The following NF1 variants were observed in gnomAD, a reference collection of about 807,000 sequenced individuals.
NF1 encodes the protein neurofibromin.
In NF1, 122 loss-of-function variants were observed where a neutral mutation model predicts 325.7. That is an observed-to-expected ratio of 0.37 (90% CI 0.32 to 0.44). NF1 has a LOEUF of 0.44. Among genes scored for constraint, NF1 ranks in the 20% least tolerant of loss-of-function variants. The pLI is 1.00. For missense variants in NF1, 2,140 were observed against 3,415.4 expected (o/e 0.63, Z 9.31); for synonymous variants, 1,091 against 1,186.0 (o/e 0.92, Z 1.65).
intron 36 of NF1, chr17:31,296,043 A>G (rs913504431): frequency 1.9e-6 from 3 of 1,613,980 alleles, no homozygotes; most frequent in African/African-American, 2.7e-5. Context: ...GACCGAGGTA[A>G]GTGAGCAGGC....
At chr17:31,268,337 G>T (rs371011098) in intron 36 of NF1, among the ~76,000 whole-genome samples, 1 of 152,156 alleles carries the variant, frequency 6.6e-6, no homozygotes, top group East Asian at 1.9e-4. Flanking sequence ...GATTCAAAAT[G>T]TGACCACTTG....
intron 57 of NF1, among the ~76,000 whole-genome samples, chr17:31,364,374 TA>T (rs1416556905): frequency 3.3e-5 from 5 of 152,372 alleles, no homozygotes; most frequent in South Asian, 4.1e-4. Flanking sequence ...TCCTTTGCTA[TA>T]AATGTTTCAT....
In NF1 at chr17:31,325,904, A is replaced by C. The variant is rs1443684477; in HGVS notation, c.4920A>C (p.Glu1640Asp). Residue 1640 changes from glutamate (E) to aspartate (D), a missense_variant, in exon 37 of 58, where the codon GAA becomes GAC. Around this residue, in one of 10 missense-constraint regions of NF1, gnomAD observed 103 missense variants for 214.6 expected, o/e 0.48. Coordinates refer to ENST00000358273, the MANE Select transcript of NF1 (RefSeq NM_001042492.3). ...AGCCATATTATGCAAAGCCATATGAAATTGTAGTGGACCTTACCCATACCG... is the reference window on the plus strand; with the variant it reads ...AGCCATATTATGCAAAGCCATATGACATTGTAGTGGACCTTACCCATACCG... The part of the protein sequence containing the change: ...TLKPYYAKPY[E>D]IVVDLTHTGP... 6.2e-7 allele frequency: 1 copy of C among 1,614,030 alleles called. No individual in the cohort carries two copies. Among genetic ancestry groups the C allele is most frequent in the Non-Finnish European group, 8.5e-7 (1 of 1,180,010 alleles).
At chr17:31,121,771 A>G (rs775117281) in intron 1 of NF1, among the ~76,000 whole-genome samples, 8 of 152,224 alleles carry the variant, frequency 5.3e-5, no homozygotes, top group Non-Finnish European at 1.0e-4. Flanking sequence ...CCAGTGATGA[A>G]GCTGACTTGA....
At chr17:31,231,067 T>C in intron 24 of NF1, 142 bp downstream of exon 24, 1 of 667,512 alleles carries the variant, frequency 1.5e-6, no homozygotes, top group Non-Finnish European at 2.7e-6. Flanking sequence ...GTAAAGATGC[T>C]AATCTTTATT....
At chr17:31,182,726 G>A (rs2143788038) in intron 8 of NF1, 61 bp downstream of exon 8, 2 of 1,473,152 alleles carry the variant, frequency 1.4e-6, no homozygotes, top group Non-Finnish European at 1.9e-6. Context: ...TTTACTCAAG[G>A]TGTGTATTAC....
chr17:31,274,647 C>T (rs2067967720), intron 36 of NF1, among the ~76,000 whole-genome samples: 1 of 152,092 alleles, frequency 6.6e-6, no homozygotes, highest in South Asian at 2.1e-4. Flanking sequence ...AATCGGAGTA[C>T]TGCAGTAATT....
chr17:31,249,129 CAG>C lies in NF1; in HGVS notation c.4110+11_4110+12del. On this transcript the variant is annotated intron_variant, in intron 30 of 57. Transcript: ENST00000358273. ...CCACTGTTTATACCAGGTATGCTTACAGTTAGAGATTACCATTATTAATCTAA... is the reference window on the plus strand; with the variant it reads ...CCACTGTTTATACCAGGTATGCTTACTTAGAGATTACCATTATTAATCTAA... 6.2e-7 allele frequency: 1 copy of C among 1,613,386 alleles called. No homozygotes were observed. Among genetic ancestry groups the C allele is most frequent in the South Asian group, 1.1e-5 (1 of 91,056 alleles).
intron 49 of NF1, among the ~76,000 whole-genome samples, chr17:31,349,562 C>G (rs2070088845): frequency 6.6e-6 from 1 of 152,134 alleles, no homozygotes. Context: ...TTAAATAGCC[C>G]TCTCAGTTCT....
At chr17:31,170,765 C>T (rs1200201675) in intron 5 of NF1, among the ~76,000 whole-genome samples, 1 of 152,054 alleles carries the variant, frequency 6.6e-6, no homozygotes, top group Non-Finnish European at 1.5e-5. Context: ...CTGTGGTAAG[C>T]AGTGATGTAT....
chr17:31,197,967 A>C (rs184344830), intron 8 of NF1, among the ~76,000 whole-genome samples: 336 of 152,290 alleles, frequency 2.2e-3, no homozygotes, highest in Non-Finnish European at 4.0e-3. Flanking sequence ...GATGTTGAGG[A>C]AATTTCCTTC....
At chr17:31,180,547 C>A (rs77130846) in intron 5 of NF1, among the ~76,000 whole-genome samples, 2 of 152,126 alleles carry the variant, frequency 1.3e-5, no homozygotes, top group East Asian at 3.9e-4. Context: ...ATTCAACAGC[C>A]CTTCATGCCA....
chr17:31,356,544 C>A lies in NF1; in HGVS notation c.7700C>A (p.Pro2567His), dbSNP rs754511534. Residue 2567 changes from proline (P) to histidine (H), a missense_variant, in exon 52 of 58, where the codon CCC becomes CAC. Physicochemically the swap from Pro to His is moderately conservative, Grantham distance 77 (BLOSUM62 -2). Transcript: ENST00000358273. ...QEMESGITTP[P>H]KMRRVAETDY... The stretch of plus-strand genomic sequence containing the variant: ...ATGGAATCAGGGATCACAACACCCC[C>A]CAAAATGAGGAGAGTAGCAGAAACT... The A allele has an allele frequency of 6.2e-7, 1 of 1,613,706 alleles. No homozygotes were observed. The highest frequency in any genetic ancestry group is 8.5e-7 in the Non-Finnish European group (1 of 1,179,794).
chr17:31,265,020 T>C (rs1364514636), intron 35 of NF1, among the ~76,000 whole-genome samples: 1 of 152,232 alleles, frequency 6.6e-6, no homozygotes, highest in Admixed American at 6.5e-5. Context: ...CCAGTAGTTC[T>C]CTTAGAATAG....
rs200450821 is a variant in NF1, at chr17:31,278,493, CTTTTTTTTTTTTTTTTTTTTTTTT to C, written c.4835+13169_4835+13192del. ...ACAGACATTGCCTTGGTAATTGAAG[CTTTTTTTTTTTTTTTTTTTTTTTT>C]TTTTTTTTTTTTTTAGAAAATCCTA... On this transcript the variant is annotated intron_variant, in intron 36 of 57. Coordinates refer to ENST00000358273, the MANE Select transcript of NF1 (RefSeq NM_001042492.3). 5.2e-4 allele frequency among the ~76,000 whole-genome samples: 8 copies of C among 15,340 alleles called. 1 individual carries two copies. Among genetic ancestry groups the C allele is most frequent in the South Asian group, 6.4e-3 (1 of 156 alleles). The allele number at this position is 15,340 out of a possible 152,430, so 10.1% of individuals were successfully genotyped here.
chr17:31,318,959 T>C, intron 36 of NF1: 1 of 1,613,474 alleles, frequency 6.2e-7, no homozygotes, highest in South Asian at 1.1e-5. Flanking sequence ...AAAACTGTTG[T>C]CATCAGAAAG....
At chr17:31,143,934 G>A (rs573829025) in intron 1 of NF1, among the ~76,000 whole-genome samples, 1 of 151,668 alleles carries the variant, frequency 6.6e-6, no homozygotes, top group Admixed American at 6.6e-5. Context: ...CCATTCTCCC[G>A]CCTCAGCCTC....
In NF1 at chr17:31,170,009, T is replaced by G; in HGVS notation, c.586+12T>G. 6.5e-7 allele frequency: 1 copy of G among 1,545,772 alleles called. No homozygotes were observed. The highest frequency in any genetic ancestry group is 8.9e-7 in the Non-Finnish European group (1 of 1,119,418). On this transcript the variant is annotated intron_variant, in intron 5 of 57. Transcript: ENST00000358273. The stretch of plus-strand genomic sequence containing the variant: ...ACGACTCCTGAAGGGTAAGTTTAAA[T>G]GTATAATATATCTGAAAAAAATCAC...
intron 29 of NF1, among the ~76,000 whole-genome samples, chr17:31,241,442 T>C (rs2067295028): frequency 6.6e-6 from 1 of 152,184 alleles, no homozygotes; most frequent in Admixed American, 6.5e-5. Context: ...CCTTCCTGCC[T>C]TCCCTTTAGT....
Sources: allele counts gnomAD v4.1 joint callset (sites outside exome capture counted in the v4.1 genomes callset), GRCh38; gene constraint gnomAD v4.1.1; regional missense constraint gnomAD v4.1.1; transcripts MANE v1.5; gene names NCBI Gene and HGNC (gene_info 2026-07-23, HGNC 2026-07-21).